FANK1: variants seen among roughly 807,000 people sequenced by gnomAD.
FANK1 encodes fibronectin type 3 and ankyrin repeat domains protein 1.
A neutral mutation model predicts 45.3 loss-of-function variants in FANK1; 44 were observed. That is an observed-to-expected ratio of 0.97 (90% CI 0.76 to 1.25). FANK1 has a LOEUF of 1.25. Among genes scored for constraint, FANK1 ranks in the 50% most tolerant of loss-of-function variants. FANK1 has a pLI of 0.00. For missense variants in FANK1, 391 were observed against 424.4 expected, an observed-to-expected ratio of 0.92 and a Z score of 0.69; for synonymous variants, 149 against 152.5, an observed-to-expected ratio of 0.98 and a Z score of 0.17.
intron 1 of FANK1, among the ~76,000 whole-genome samples, chr10:125,940,827 C>A (rs895358441): frequency 6.6e-6 from 1 of 152,172 alleles, no homozygotes; most frequent in African/African-American, 2.4e-5. Context: ...CGGAGAATGG[C>A]GATGACTTTT....
rs567428555 is a variant in FANK1, at chr10:125,991,125, C to T, written c.316+2450C>T. On this transcript the variant is annotated intron_variant, in intron 3 of 10. Transcript: ENST00000368693. ...CTGTGGGCCAGATGTGCCTTCTCCC[C>T]ACTGAGCTGGCTCCAGAGGCAGCCA... Among the ~76,000 whole-genome samples, 5 of 152,334 alleles carry T rather than the reference C, an allele frequency of 3.3e-5. No individual in the cohort carries two copies. The South Asian group carries it at 6.2e-4, about 19-fold the overall frequency.
intron 2 of FANK1, among the ~76,000 whole-genome samples, chr10:125,982,664 A>G (rs1951294608): frequency 6.6e-6 from 1 of 152,190 alleles, no homozygotes; most frequent in Admixed American, 6.5e-5. Context: ...CTGATTTGTC[A>G]GTTTCTGTTC....
At chr10:125,962,046 G>A (rs1949959483) in intron 1 of FANK1, among the ~76,000 whole-genome samples, 1 of 152,186 alleles carries the variant, frequency 6.6e-6, no homozygotes, top group South Asian at 2.1e-4. Context: ...CACAGTGAAA[G>A]GGCAACCTAC....
At chr10:125,913,741 T>G (rs1946221061) in intron 1 of FANK1, among the ~76,000 whole-genome samples, 1 of 152,220 alleles carries the variant, frequency 6.6e-6, no homozygotes, top group South Asian at 2.1e-4. Flanking sequence ...GTAGCAGCCC[T>G]GAGCCTCCTG....
chr10:125,997,133 C>T (rs557942659), intron 5 of FANK1, among the ~76,000 whole-genome samples: 1 of 152,090 alleles, frequency 6.6e-6, no homozygotes, highest in South Asian at 2.1e-4. Flanking sequence ...TAAAAATGGC[C>T]ATTCAAAGGA....
At chr10:125,921,095 T>C (rs200582754) in intron 1 of FANK1, among the ~76,000 whole-genome samples, 1 of 152,242 alleles carries the variant, frequency 6.6e-6, no homozygotes, top group African/African-American at 2.4e-5. Context: ...TAGGTCATTT[T>C]TGGGAGACCT....
At chr10:125,984,892 G>C (rs1175563259) in intron 2 of FANK1, among the ~76,000 whole-genome samples, 3 of 152,200 alleles carry the variant, frequency 2.0e-5, no homozygotes, top group Non-Finnish European at 4.4e-5. Context: ...GTCATGTCTA[G>C]GTAAAGTTGC....
intron 1 of FANK1, among the ~76,000 whole-genome samples, chr10:125,925,239 T>G (rs1208830687): frequency 2.4e-4 from 36 of 149,790 alleles, no homozygotes; most frequent in African/African-American, 7.8e-4. Context: ...CAACTTTTGC[T>G]TTTTGAGGCT....
intron 1 of FANK1, among the ~76,000 whole-genome samples, chr10:125,953,141 T>A (rs1949360745): frequency 6.6e-6 from 1 of 152,184 alleles, no homozygotes; most frequent in Admixed American, 6.5e-5. Context: ...GAACTGATAA[T>A]TTCCATTTCT....
At chr10:125,950,662 A>C (rs1949148858) in intron 1 of FANK1, among the ~76,000 whole-genome samples, 1 of 152,178 alleles carries the variant, frequency 6.6e-6, no homozygotes, top group African/African-American at 2.4e-5. Context: ...AAACTAGTTC[A>C]ACCATTATGG....
chr10:125,951,932 A>G (rs1260249855), intron 1 of FANK1, among the ~76,000 whole-genome samples: 2 of 152,162 alleles, frequency 1.3e-5, no homozygotes, highest in Non-Finnish European at 1.5e-5. Flanking sequence ...TGTACTGTAA[A>G]TATTGAATTA....
intron 6 of FANK1, 34 bp downstream of exon 6, chr10:125,997,519 T>C (rs2134221411): frequency 6.3e-7 from 1 of 1,596,744 alleles, no homozygotes; most frequent in East Asian, 2.2e-5. Flanking sequence ...ATTGTGCTGA[T>C]GTTCTCAGAA....
At chr10:125,954,078 C>T (rs1949420804) in intron 1 of FANK1, among the ~76,000 whole-genome samples, 2 of 69,436 alleles carry the variant, frequency 2.9e-5, no homozygotes, top group South Asian at 1.0e-3. Flanking sequence ...TGTCCTATCT[C>T]CACTGTGGAG....
intron 1 of FANK1, among the ~76,000 whole-genome samples, chr10:125,951,014 A>G (rs1273697308): frequency 6.9e-6 from 1 of 145,384 alleles, no homozygotes; most frequent in South Asian, 2.2e-4. Context: ...AACACCGCAT[A>G]TTCTCACTCA....
At position 125,983,264 on chromosome 10, in the gene FANK1, C is replaced by T. The variant is rs1274200627; in HGVS notation, c.191+2926C>T. Among the ~76,000 whole-genome samples the T allele has an allele frequency of 3.3e-5, 5 of 152,162 alleles. No individual in the cohort carries two copies. The highest frequency in any genetic ancestry group is 2.4e-5 in the African/African-American group (1 of 41,438). On this transcript the variant is annotated intron_variant, in intron 2 of 10. Coordinates refer to ENST00000368693, the MANE Select transcript of FANK1 (RefSeq NM_145235.5). The surrounding 1 kb of genome is among the most constrained non-coding windows in gnomAD (Gnocchi z 4.3). ...CTCCACTGAGAAGCTCTCCTTACTACCCTATTGTCTGTGCCCTAAATTCCT... is the reference window on the plus strand; with the variant it reads ...CTCCACTGAGAAGCTCTCCTTACTATCCTATTGTCTGTGCCCTAAATTCCT...
Position 125,996,532 on chromosome 10 carries a change from T to A in FANK1, c.399-18T>A. On this transcript the variant is annotated intron_variant, in intron 4 of 10. Coordinates refer to ENST00000368693, the MANE Select transcript of FANK1 (RefSeq NM_145235.5). ...GCTGTACTGAGCATGTTTATCTCTTTTCTCTGCTTTTCCCAAGCCGTGTTA... is the reference window on the plus strand; with the variant it reads ...GCTGTACTGAGCATGTTTATCTCTTATCTCTGCTTTTCCCAAGCCGTGTTA... 1 of 1,613,830 alleles carries A rather than the reference T, an allele frequency of 6.2e-7. No individual in the cohort carries two copies. The highest frequency in any genetic ancestry group is 8.5e-7 in the Non-Finnish European group (1 of 1,179,806).
chr10:125,937,390 T>A (rs1313180201), intron 1 of FANK1, among the ~76,000 whole-genome samples: 1 of 152,222 alleles, frequency 6.6e-6, no homozygotes, highest in Non-Finnish European at 1.5e-5. Context: ...TGTTTGTCAT[T>A]GTGGTTTTAA....
At chr10:125,911,335 A>G (rs992241203) in intron 1 of FANK1, among the ~76,000 whole-genome samples, 1 of 152,250 alleles carries the variant, frequency 6.6e-6, no homozygotes, top group Non-Finnish European at 1.5e-5. Context: ...TAGAGCCTCC[A>G]GAAGGAACCA....
chr10:125,940,673 G>C lies in FANK1; in HGVS notation c.14-39488G>C, dbSNP rs192268279. Among the ~76,000 whole-genome samples, 53 of 152,206 alleles carry C rather than the reference G, an allele frequency of 3.5e-4. 2 individuals carry two copies. The East Asian group carries it at 7.3e-3, about 21-fold the overall frequency. On this transcript the variant is annotated intron_variant, in intron 1 of 10. Transcript: ENST00000368693. ...CGGATCATTTACAGGTGTCGGGCTG[G>C]GGGATGGTCAGGTCTTTCCCTTCGC...
Sources: gnomAD v4.1 joint callset for allele counts (sites outside exome capture counted in the v4.1 genomes callset) on GRCh38, gnomAD v4.1.1 for gene constraint, Gnocchi (gnomAD v3.1) non-coding constraint, MANE v1.5 for transcripts, NCBI Gene and HGNC (gene_info 2026-07-23, HGNC 2026-07-21) for gene names.